The following DACH1 variants were observed in gnomAD, a reference collection of about 807,000 sequenced individuals.
DACH1 encodes the protein dachshund homolog 1.
DACH1 carries 12 observed loss-of-function variants against 54.2 expected under a neutral mutation model. The ratio of observed to expected loss-of-function variants is 0.22; its 90% CI spans 0.14 to 0.36. The LOEUF is 0.36. DACH1 is among the 10% of genes least tolerant of loss of function. The pLI, the probability that DACH1 is intolerant of heterozygous loss-of-function variation, is 1.00. For synonymous variants in DACH1, 386 were observed against 366.2 expected (o/e 1.05, Z -0.62); for missense variants, 805 against 929.8 (o/e 0.87, Z 1.75).
chr13:71,839,417 C>T (rs1005032141), intron 1 of DACH1, among the ~76,000 whole-genome samples: 5 of 152,014 alleles, frequency 3.3e-5, no homozygotes, highest in Non-Finnish European at 5.9e-5. Context: ...ATCATCCTGG[C>T]TAATACGGTG....
intron 10 of DACH1, among the ~76,000 whole-genome samples, chr13:71,469,825 A>G (rs1876913251): frequency 6.6e-6 from 1 of 152,274 alleles, no homozygotes; most frequent in African/African-American, 2.4e-5. Context: ...TTTAATGTGA[A>G]GGCAAGTCTT....
rs114533090 is a variant in DACH1, at chr13:71,488,146, G to A, written c.1722+851C>T. The stretch of plus-strand genomic sequence containing the variant: ...GAAACTTTAATATGATAGGATATGT[G>A]TACAGAAAAATATTACTGAGGATGG... On this transcript the variant is annotated intron_variant, in intron 7 of 10. Coordinates refer to ENST00000613252, the MANE Select transcript of DACH1 (RefSeq NM_080759.6). 5.0e-3 allele frequency among the ~76,000 whole-genome samples: 768 copies of A among 152,168 alleles called. 9 individuals carry two copies. Among genetic ancestry groups the A allele is most frequent in the African/African-American group, 0.018 (745 of 41,548 alleles).
At chr13:71,798,444 A>T (rs59543709) in intron 1 of DACH1, among the ~76,000 whole-genome samples, 1,920 of 150,420 alleles carry the variant, frequency 0.013, 46 homozygotes, top group African/African-American at 0.044. Context: ...CACCCAAACA[A>T]TATGACTTGA....
intron 1 of DACH1, among the ~76,000 whole-genome samples, chr13:71,781,103 C>A (rs1886350670): frequency 6.6e-6 from 1 of 152,220 alleles, no homozygotes; most frequent in African/African-American, 2.4e-5. Flanking sequence ...ACACTGCACT[C>A]CAGCCTGGGT....
intron 10 of DACH1, among the ~76,000 whole-genome samples, chr13:71,472,591 A>G (rs1438169434): frequency 6.6e-6 from 1 of 152,234 alleles, no homozygotes; most frequent in Non-Finnish European, 1.5e-5. Flanking sequence ...TTGGAATAGA[A>G]AATAATTTCA....
chr13:71,608,813 GC>G (rs1256411420), intron 3 of DACH1, among the ~76,000 whole-genome samples: 2 of 152,004 alleles, frequency 1.3e-5, no homozygotes, highest in Non-Finnish European at 2.9e-5. Context: ...GAGAATAGGA[GC>G]TTTTGCAAAC....
At chr13:71,712,128 A>G (rs1351721160) in intron 1 of DACH1, among the ~76,000 whole-genome samples, 1 of 152,150 alleles carries the variant, frequency 6.6e-6, no homozygotes, top group African/African-American at 2.4e-5. Flanking sequence ...GATTTTTAGT[A>G]TAATAATAGA....
intron 4 of DACH1, 118 bp from the exon 5 acceptor site, chr13:71,560,073 C>CA: frequency 8.7e-7 from 1 of 1,149,900 alleles, no homozygotes; most frequent in Non-Finnish European, 1.2e-6. Flanking sequence ...AAACACTTTA[C>CA]TTCATCAGCA....
intron 1 of DACH1, among the ~76,000 whole-genome samples, chr13:71,812,991 T>C (rs1393202775): frequency 1.3e-5 from 2 of 152,208 alleles, no homozygotes; most frequent in Non-Finnish European, 2.9e-5. Flanking sequence ...ATACCATCAC[T>C]GCCTAAGTCA....
intron 1 of DACH1, among the ~76,000 whole-genome samples, chr13:71,799,017 A>C (rs1053119376): frequency 1.3e-5 from 2 of 152,044 alleles, no homozygotes; most frequent in African/African-American, 2.4e-5. Context: ...TTAGTCCCAG[A>C]AGCATTCCAG....
At chr13:71,578,415 C>G (rs1885668685) in intron 3 of DACH1, among the ~76,000 whole-genome samples, 1 of 152,122 alleles carries the variant, frequency 6.6e-6, no homozygotes, top group African/African-American at 2.4e-5. Context: ...TCAGCTGTTA[C>G]TTCAGAGGTA....
At chr13:71,745,364 A>G (rs955442717) in intron 1 of DACH1, among the ~76,000 whole-genome samples, 9 of 152,228 alleles carry the variant, frequency 5.9e-5, no homozygotes, top group African/African-American at 2.2e-4. Context: ...TTATCATCCA[A>G]ACTTTAGTAT....
chr13:71,488,581 A>G, intron 7 of DACH1, among the ~76,000 whole-genome samples: 1 of 152,124 alleles, frequency 6.6e-6, no homozygotes, highest in South Asian at 2.1e-4. Context: ...ATTTTAAATG[A>G]CTAAACATAT....
chr13:71,819,787 A>G (rs763157008), intron 1 of DACH1, among the ~76,000 whole-genome samples: 4 of 152,180 alleles, frequency 2.6e-5, no homozygotes, highest in Non-Finnish European at 5.9e-5. Context: ...GTCCTTGTTC[A>G]AAAGAATTCA....
chr13:71,778,400 G>A (rs1886158854), intron 1 of DACH1, among the ~76,000 whole-genome samples: 1 of 151,822 alleles, frequency 6.6e-6, no homozygotes, highest in Non-Finnish European at 1.5e-5. Context: ...AATGTTAGAG[G>A]AATAAACTCC....
intron 10 of DACH1, among the ~76,000 whole-genome samples, chr13:71,465,670 G>A (rs1876504483): frequency 6.6e-6 from 1 of 151,496 alleles, no homozygotes; most frequent in African/African-American, 2.4e-5. Flanking sequence ...TGATAATAAA[G>A]GTTAAAAAAA....
intron 1 of DACH1, among the ~76,000 whole-genome samples, chr13:71,753,590 G>T (rs940583799): frequency 6.6e-6 from 1 of 152,114 alleles, no homozygotes; most frequent in Non-Finnish European, 1.5e-5. Context: ...TTCATAGATT[G>T]CCTTGCTGAC....
At position 71,866,335 on chromosome 13, in the gene DACH1, A is replaced by G. The variant is rs573532758; in HGVS notation, c.435T>C (p.Ser145=). The part of the protein sequence containing the change: ...NASTGSSSSS[S]SSSSSSSSSS... ...TACTGCTGCTGCTGCTGCTGCTGCT[A>G]CTGCTGCTGCTGCTGCTGCCGGTGC... The change falls in exon 1 of 11, where the codon AGT becomes AGC. Residue 145 remains serine, a synonymous_variant. Coordinates refer to ENST00000613252, the MANE Select transcript of DACH1 (RefSeq NM_080759.6). The G allele has an allele frequency of 1.6e-4, 240 of 1,510,000 alleles. No individual in the cohort carries two copies. Among genetic ancestry groups the G allele is most frequent in the Middle Eastern group, 4.4e-4 (2 of 4,592 alleles). The allele number at this position is 1,510,000 out of a possible 1,614,324, so 93.5% of individuals were successfully genotyped here.
At chr13:71,542,528 GTCATTA>G (rs1883203624) in intron 6 of DACH1, among the ~76,000 whole-genome samples, 1 of 151,968 alleles carries the variant, frequency 6.6e-6, no homozygotes. Context: ...TATCAATAAT[GTCATTA>G]TCATTATTCT....
Sources: allele counts gnomAD v4.1 joint callset (sites outside exome capture counted in the v4.1 genomes callset), GRCh38; gene constraint gnomAD v4.1.1; transcripts MANE v1.5; gene names NCBI Gene and HGNC (gene_info 2026-07-23, HGNC 2026-07-21).